Variants in VPS53 observed in about 807,000 individuals in gnomAD.
VPS53 encodes the protein VPS53 subunit of GARP complex, also known as vacuolar protein sorting-associated protein 53 homolog.
A neutral mutation model predicts 107.0 loss-of-function variants in VPS53; 70 were observed. The ratio of observed to expected loss-of-function variants is 0.65; its 90% CI spans 0.54 to 0.80. VPS53 has a LOEUF of 0.80. Among genes scored for constraint, VPS53 ranks in the 30% least tolerant of loss-of-function variants. The pLI is 0.00. For synonymous variants in VPS53, 409 were observed against 393.3 expected (o/e 1.04, Z -0.47); for missense variants, 917 against 1,049.4 (o/e 0.87, Z 1.74).
intron 13 of VPS53, among the ~76,000 whole-genome samples, chr17:566,991 C>T (rs767991114): frequency 2.0e-5 from 3 of 152,092 alleles, no homozygotes; most frequent in East Asian, 1.9e-4. Flanking sequence ...AGTGATCGCC[C>T]GCCTCAGCCT....
chr17:697,219 C>T (rs1242678016), intron 4 of VPS53, among the ~76,000 whole-genome samples, 199 bp downstream of exon 4: 3 of 152,188 alleles, frequency 2.0e-5, no homozygotes, highest in Admixed American at 6.5e-5. Context: ...GTGAGCGGTG[C>T]CACAGTTCAC....
intron 11 of VPS53, among the ~76,000 whole-genome samples, chr17:609,559 G>A (rs1200820978): frequency 6.6e-6 from 1 of 152,150 alleles, no homozygotes; most frequent in African/African-American, 2.4e-5. Flanking sequence ...ATTTGGCAGA[G>A]TTACCCCTTC....
chr17:624,195 T>G (rs755167280), intron 10 of VPS53, among the ~76,000 whole-genome samples: 1 of 152,122 alleles, frequency 6.6e-6, no homozygotes, highest in Non-Finnish European at 1.5e-5. Flanking sequence ...TTTGAACAGT[T>G]TAATAATTGG....
At chr17:649,873 A>T (rs1970869240) in intron 7 of VPS53, among the ~76,000 whole-genome samples, 1 of 152,266 alleles carries the variant, frequency 6.6e-6, no homozygotes, top group Admixed American at 6.5e-5. Flanking sequence ...AGAATCAGCT[A>T]GATATGCTGG....
intron 7 of VPS53, among the ~76,000 whole-genome samples, chr17:644,977 C>G (rs1970627001): frequency 6.6e-6 from 1 of 152,140 alleles, no homozygotes; most frequent in African/African-American, 2.4e-5. Flanking sequence ...ATAAGTAAAT[C>G]CTCCTGTGTT....
At chr17:609,417 C>T (rs1047338311) in intron 11 of VPS53, among the ~76,000 whole-genome samples, 3 of 152,090 alleles carry the variant, frequency 2.0e-5, no homozygotes, top group African/African-American at 7.2e-5. Flanking sequence ...TACTTTTTGG[C>T]TATTGTGAAT....
intron 6 of VPS53, among the ~76,000 whole-genome samples, chr17:655,285 C>T (rs953854724): frequency 1.3e-5 from 2 of 151,910 alleles, no homozygotes; most frequent in Non-Finnish European, 2.9e-5. Flanking sequence ...TGTATCATTC[C>T]CTCTACAAGC....
chr17:637,012 C>T (rs1357336736), intron 7 of VPS53, among the ~76,000 whole-genome samples: 3 of 152,096 alleles, frequency 2.0e-5, no homozygotes, highest in African/African-American at 7.2e-5. Flanking sequence ...CTCCTTGTAC[C>T]TCTGGTAGAA....
At chr17:603,567 T>C (rs1271767763) in intron 11 of VPS53, among the ~76,000 whole-genome samples, 3 of 151,914 alleles carry the variant, frequency 2.0e-5, no homozygotes, top group East Asian at 3.9e-4. Context: ...TGTGGACAGA[T>C]ACAGCCTCGG....
chr17:689,205 T>C (rs967810738), intron 4 of VPS53, among the ~76,000 whole-genome samples: 1 of 152,184 alleles, frequency 6.6e-6, no homozygotes, highest in Non-Finnish European at 1.5e-5. Flanking sequence ...TGAGGGAGGA[T>C]AAGAATATAA....
chr17:536,109 T>A (rs1910039733), intron 18 of VPS53, among the ~76,000 whole-genome samples: 1 of 152,114 alleles, frequency 6.6e-6, no homozygotes. Context: ...CAGATGGTGA[T>A]CGGCAAAGAA....
chr17:666,822 G>A (rs1195211098), intron 4 of VPS53, among the ~76,000 whole-genome samples: 1 of 152,170 alleles, frequency 6.6e-6, no homozygotes, highest in African/African-American at 2.4e-5. Context: ...AGGAGGCTGA[G>A]GTAGGAGAAT....
intron 4 of VPS53, among the ~76,000 whole-genome samples, 192 bp from the exon 5 acceptor site, chr17:662,087 G>T (rs993988494): frequency 6.6e-6 from 1 of 152,118 alleles, no homozygotes; most frequent in Admixed American, 6.6e-5. Flanking sequence ...GTAAACACTC[G>T]GGACTCTTAC....
At chr17:564,437 G>C (rs1913300752) in intron 13 of VPS53, among the ~76,000 whole-genome samples, 1 of 152,068 alleles carries the variant, frequency 6.6e-6, no homozygotes, top group Non-Finnish European at 1.5e-5. Flanking sequence ...CTACTTCAGA[G>C]GCTGAGGCAG....
intron 11 of VPS53, among the ~76,000 whole-genome samples, chr17:610,220 AGT>A (rs2079301460): frequency 6.6e-6 from 1 of 152,106 alleles, no homozygotes; most frequent in African/African-American, 2.4e-5. Context: ...TATTTATAAA[AGT>A]GAGAAAAAAC....
In VPS53 at chr17:516,124, A is replaced by C. The variant is rs1016887774; in HGVS notation, c.*3004T>G. 6.6e-5 allele frequency: 10 copies of C among 151,758 alleles called. No individual in the cohort carries two copies. The highest frequency in any genetic ancestry group is 2.4e-4 in the African/African-American group (10 of 41,264). The allele number at this position is 151,758 out of a possible 1,614,324, so 9.4% of individuals were successfully genotyped here. ...TGACCCAACACAAGTTTAAAATGAA[A>C]GCTGTTATCAGTAGAGAATCTTCAC... is the stretch of plus-strand genomic sequence containing the variant. On this transcript the variant is annotated 3_prime_UTR_variant, in exon 22 of 22. Transcript: ENST00000437048.
chr17:548,055 A>G (rs1411876889), intron 17 of VPS53, among the ~76,000 whole-genome samples: 1 of 152,206 alleles, frequency 6.6e-6, no homozygotes, highest in Non-Finnish European at 1.5e-5. Context: ...CTGGGCAGAA[A>G]GAATAAAATG....
chr17:641,730 C>T (rs1208346806), intron 7 of VPS53, among the ~76,000 whole-genome samples: 3 of 152,228 alleles, frequency 2.0e-5, no homozygotes, highest in African/African-American at 4.8e-5. Context: ...GCTAGGATTA[C>T]AGGCATGAGC....
intron 11 of VPS53, among the ~76,000 whole-genome samples, chr17:622,340 A>C (rs1969503353): frequency 6.6e-6 from 1 of 152,268 alleles, no homozygotes; most frequent in South Asian, 2.1e-4. Flanking sequence ...TGCTGGTCCA[A>C]GGATTTTGCT....
Sources: allele counts gnomAD v4.1 joint callset (sites outside exome capture counted in the v4.1 genomes callset), GRCh38; gene constraint gnomAD v4.1.1; transcripts MANE v1.5; gene names NCBI Gene and HGNC (gene_info 2026-07-23, HGNC 2026-07-21).